Variants in EPHA5 observed in about 807,000 individuals in gnomAD.
The protein encoded by EPHA5 is ephrin type-A receptor 5.
EPHA5 carries 60 observed loss-of-function variants against 105.0 expected under a neutral mutation model. That is an observed-to-expected ratio of 0.57 (90% CI 0.46 to 0.71). EPHA5 has a LOEUF of 0.71. Among genes scored for constraint, EPHA5 ranks in the 30% least tolerant of loss-of-function variants. The pLI is 0.00. For missense variants in EPHA5, 1,218 were observed against 1,274.7 expected (o/e 0.96, Z 0.68); for synonymous variants, 513 against 449.1 (o/e 1.14, Z -1.80).
chr4:65,488,387 T>C (rs1161752577), intron 5 of EPHA5, among the ~76,000 whole-genome samples: 1 of 152,206 alleles, frequency 6.6e-6, no homozygotes, highest in African/African-American at 2.4e-5. Context: ...AATATGTTGG[T>C]AGAAGATTCA....
chr4:65,668,622 G>A (rs1272311935), intron 1 of EPHA5, among the ~76,000 whole-genome samples: 3 of 152,056 alleles, frequency 2.0e-5, no homozygotes, highest in African/African-American at 7.2e-5. Flanking sequence ...CAGAGGGGCT[G>A]AGCACTGTTC....
chr4:65,490,111 G>C (rs1489368997), intron 5 of EPHA5, among the ~76,000 whole-genome samples: 1 of 152,204 alleles, frequency 6.6e-6, no homozygotes, highest in Non-Finnish European at 1.5e-5. Flanking sequence ...AAATGGATTT[G>C]ATCCAGAAAT....
At chr4:65,364,956 T>C (rs1717716494) in intron 11 of EPHA5, 61 bp downstream of exon 11, 1 of 1,342,782 alleles carries the variant, frequency 7.4e-7, no homozygotes, top group South Asian at 1.7e-5. Context: ...CCTAAATTAA[T>C]AATAATCTAG....
intron 5 of EPHA5, among the ~76,000 whole-genome samples, chr4:65,482,479 T>C (rs2149191766): frequency 6.6e-6 from 1 of 152,244 alleles, no homozygotes; most frequent in East Asian, 1.9e-4. Context: ...TTCAAGTGAT[T>C]TCATTTCTTT....
chr4:65,474,905 T>C (rs1269031244), intron 5 of EPHA5, among the ~76,000 whole-genome samples: 15 of 152,202 alleles, frequency 9.9e-5, no homozygotes, highest in Non-Finnish European at 1.6e-4. Flanking sequence ...CCCAAACAAC[T>C]CACGACCTTT....
At chr4:65,391,633 T>C (rs1422289313) in intron 8 of EPHA5, among the ~76,000 whole-genome samples, 1 of 152,244 alleles carries the variant, frequency 6.6e-6, no homozygotes, top group South Asian at 2.1e-4. Context: ...GGCTGTGTTA[T>C]TGTGGGTTCT....
At chr4:65,668,813 G>A (rs1235165189) in intron 1 of EPHA5, among the ~76,000 whole-genome samples, 1 of 152,004 alleles carries the variant, frequency 6.6e-6, no homozygotes, top group African/African-American at 2.4e-5. Flanking sequence ...GCCCAGGTGG[G>A]TTTTAGCGGC....
Position 65,447,717 on chromosome 4 carries a change from C to A in EPHA5, c.1403-27152G>T, listed in dbSNP as rs186135132. On this transcript the variant is annotated intron_variant, in intron 5 of 16. Transcript: ENST00000613740. ...TGAATCTATTTACTTGTGAAAAGTG[C>A]ATTCATTGGACAGGAGGAAAACTAA... is the stretch of plus-strand genomic sequence containing the variant. Among the ~76,000 whole-genome samples, 675 of 151,772 alleles carry A rather than the reference C, an allele frequency of 4.4e-3. 3 individuals are homozygous for A. The highest frequency in any genetic ancestry group is 4.8e-3 in the Non-Finnish European group (325 of 67,922).
At chr4:65,665,858 C>T (rs1749921852) in intron 1 of EPHA5, among the ~76,000 whole-genome samples, 1 of 152,130 alleles carries the variant, frequency 6.6e-6, no homozygotes, top group African/African-American at 2.4e-5. Flanking sequence ...GTAGTTTCAA[C>T]AATCTATGAT....
chr4:65,324,176 T>G lies in EPHA5; in HGVS notation c.2989A>C (p.Lys997Gln). The G allele has an allele frequency of 6.2e-7, 1 of 1,609,676 alleles. No individual in the cohort carries two copies. Among genetic ancestry groups the G allele is most frequent in the Non-Finnish European group, 8.5e-7 (1 of 1,177,104 alleles). ...LGVTLVGHQK[K>Q]IMNSLQEMKV... The stretch of plus-strand genomic sequence containing the variant: ...ATTTCTTGAAGGCTGTTCATGATCT[T>G]CTTCTGGTGACCGACAAGAGTCACT... Residue 997 changes from lysine (K) to glutamine (Q), a missense_variant, in exon 17 of 17, where the codon AAG becomes CAG. Lys to Gln is a moderately conservative substitution (Grantham distance 53). This residue lies in a region of EPHA5 where 971 missense variants were observed against 1,013.5 expected (regional missense o/e 0.96). Coordinates refer to ENST00000613740, the MANE Select transcript of EPHA5 (RefSeq NM_001281766.3).
At position 65,581,159 on chromosome 4, in the gene EPHA5, G is replaced by A. The variant is rs527410453; in HGVS notation, c.910+20482C>T. Among the ~76,000 whole-genome samples, 26 of 151,740 alleles carry A rather than the reference G, an allele frequency of 1.7e-4. No individual in the cohort carries two copies. The East Asian group carries it at 4.3e-3, about 25-fold the overall frequency. On this transcript the variant is annotated intron_variant, in intron 3 of 16. Coordinates refer to ENST00000613740, the MANE Select transcript of EPHA5 (RefSeq NM_001281766.3). Reference sequence around the variant, plus strand: ...CAACAATTTGCTCCTTTGGTGACTCGGGTCCTTTTCCTTTGTCTTGTCACT... The same window carrying A: ...CAACAATTTGCTCCTTTGGTGACTCAGGTCCTTTTCCTTTGTCTTGTCACT...
intron 3 of EPHA5, among the ~76,000 whole-genome samples, chr4:65,570,422 T>A (rs758178968): frequency 6.9e-6 from 1 of 144,100 alleles, no homozygotes; most frequent in Non-Finnish European, 1.5e-5. Context: ...CTCTTTAGTG[T>A]GATGGCCTTG....
intron 3 of EPHA5, among the ~76,000 whole-genome samples, chr4:65,542,324 G>T (rs1386913461): frequency 6.6e-6 from 1 of 151,264 alleles, no homozygotes; most frequent in East Asian, 1.9e-4. Context: ...TAATAAAATA[G>T]ATAATCCACT....
intron 5 of EPHA5, among the ~76,000 whole-genome samples, chr4:65,440,265 T>C (rs1725882213): frequency 6.6e-6 from 1 of 152,026 alleles, no homozygotes; most frequent in Admixed American, 6.6e-5. Flanking sequence ...AACAAAGGTA[T>C]TCTCGGCTTT....
chr4:65,478,742 G>A (rs1432727248), intron 5 of EPHA5, among the ~76,000 whole-genome samples: 1 of 152,130 alleles, frequency 6.6e-6, no homozygotes, highest in African/African-American at 2.4e-5. Flanking sequence ...AAAGTGCTAG[G>A]ATTGTAAGTG....
intron 3 of EPHA5, among the ~76,000 whole-genome samples, chr4:65,590,802 A>G (rs569864457): frequency 5.3e-5 from 8 of 152,138 alleles, no homozygotes; most frequent in Admixed American, 1.3e-4. Context: ...AACATTTAGC[A>G]TATTATTCCT....
At chr4:65,573,375 C>T in intron 3 of EPHA5, 2 of 774,418 alleles carry the variant, frequency 2.6e-6, no homozygotes, top group Admixed American at 3.4e-5. Flanking sequence ...TGCGCCACTG[C>T]ACTCCAGCCT....
At chr4:65,366,458 A>G in intron 9 of EPHA5, among the ~76,000 whole-genome samples, 1 of 151,840 alleles carries the variant, frequency 6.6e-6, no homozygotes, top group East Asian at 1.9e-4. Flanking sequence ...ATTTTATGCA[A>G]AATGATTTCA....
intron 3 of EPHA5, among the ~76,000 whole-genome samples, chr4:65,497,800 G>A (rs192288690): frequency 1.8e-3 from 275 of 151,948 alleles, no homozygotes; most frequent in African/African-American, 6.1e-3. Flanking sequence ...AATATAAATC[G>A]AAGTAAAAAG....
Sources: allele counts gnomAD v4.1 joint callset (sites outside exome capture counted in the v4.1 genomes callset), GRCh38; gene constraint gnomAD v4.1.1; regional missense constraint gnomAD v4.1.1; transcripts MANE v1.5; gene names NCBI Gene and HGNC (gene_info 2026-07-23, HGNC 2026-07-21).